Variants in SSH2 observed in about 807,000 individuals in gnomAD.
SSH2 encodes protein phosphatase Slingshot homolog 2.
A neutral mutation model predicts 135.2 loss-of-function variants in SSH2; 37 were observed. That is an observed-to-expected ratio of 0.27 (90% CI 0.21 to 0.36). SSH2 has a LOEUF of 0.36. SSH2 is among the 10% of genes least tolerant of loss of function. SSH2 has a pLI of 1.00. For synonymous variants in SSH2, 628 were observed against 646.2 expected (o/e 0.97, Z 0.43); for missense variants, 1,408 against 1,765.3 (o/e 0.80, Z 3.63).
intron 2 of SSH2, among the ~76,000 whole-genome samples, chr17:29,796,849 C>T (rs1452931399): frequency 1.3e-5 from 2 of 149,750 alleles, no homozygotes; most frequent in Non-Finnish European, 3.0e-5. Flanking sequence ...TGCTCTGTCA[C>T]TTAGGCTGTA....
At chr17:29,918,587 G>A (rs2066921593) in intron 1 of SSH2, among the ~76,000 whole-genome samples, 1 of 152,176 alleles carries the variant, frequency 6.6e-6, no homozygotes. Context: ...TACTGCCTGT[G>A]GTTCCCAGCA....
chr17:29,890,421 G>A (rs2066326912), intron 1 of SSH2, among the ~76,000 whole-genome samples: 1 of 152,188 alleles, frequency 6.6e-6, no homozygotes, highest in African/African-American at 2.4e-5. Flanking sequence ...CATCATTTAG[G>A]TGGATGAAAG....
At chr17:29,665,301 T>C (rs1224990739) in intron 11 of SSH2, among the ~76,000 whole-genome samples, 1 of 152,180 alleles carries the variant, frequency 6.6e-6, no homozygotes, top group East Asian at 1.9e-4. Flanking sequence ...ACTGGTCAGT[T>C]AAAGTAATGG....
At chr17:29,719,557 G>A (rs1352015462) in intron 3 of SSH2, among the ~76,000 whole-genome samples, 1 of 151,604 alleles carries the variant, frequency 6.6e-6, no homozygotes, top group Non-Finnish European at 1.5e-5. Flanking sequence ...AGGGGACTTT[G>A]TAACTATCAT....
intron 3 of SSH2, among the ~76,000 whole-genome samples, chr17:29,772,624 G>C (rs2041612259): frequency 6.6e-6 from 1 of 152,114 alleles, no homozygotes; most frequent in African/African-American, 2.4e-5. Flanking sequence ...TTGGTGGACT[G>C]AGTGGGGAAG....
chr17:29,813,309 G>A (rs1328796515), intron 2 of SSH2, among the ~76,000 whole-genome samples: 1 of 151,908 alleles, frequency 6.6e-6, no homozygotes, highest in African/African-American at 2.4e-5. Context: ...CTTGAGCCCT[G>A]TAGGCGGAGG....
At chr17:29,705,228 A>G (rs2039150231) in intron 3 of SSH2, among the ~76,000 whole-genome samples, 1 of 152,104 alleles carries the variant, frequency 6.6e-6, no homozygotes, top group Admixed American at 6.6e-5. Context: ...CCACTATCAC[A>G]CTGGTCCATG....
intron 3 of SSH2, among the ~76,000 whole-genome samples, chr17:29,725,889 A>G (rs1456748458): frequency 6.6e-6 from 1 of 152,156 alleles, no homozygotes; most frequent in Admixed American, 6.5e-5. Flanking sequence ...ATGTTCTGCA[A>G]ATGTATCCCA....
chr17:29,806,672 C>T (rs1218666056), intron 2 of SSH2, among the ~76,000 whole-genome samples: 8 of 152,210 alleles, frequency 5.3e-5, no homozygotes, highest in Non-Finnish European at 8.8e-5. Flanking sequence ...CAGCAGGGGA[C>T]GTCCAGGTCT....
At chr17:29,778,101 GAGA>G (rs1433435404) in intron 3 of SSH2, among the ~76,000 whole-genome samples, 1 of 151,950 alleles carries the variant, frequency 6.6e-6, no homozygotes, top group East Asian at 1.9e-4. Flanking sequence ...GTTTTTCAAT[GAGA>G]ACTGAATTAT....
At chr17:29,899,807 A>G (rs1423178086) in intron 1 of SSH2, among the ~76,000 whole-genome samples, 2 of 152,220 alleles carry the variant, frequency 1.3e-5, no homozygotes, top group Non-Finnish European at 2.9e-5. Flanking sequence ...GAACCAAAAA[A>G]GAGCCCACAT....
intron 1 of SSH2, among the ~76,000 whole-genome samples, chr17:29,866,990 C>T (rs1436886714): frequency 1.3e-5 from 2 of 151,984 alleles, no homozygotes; most frequent in East Asian, 1.9e-4. Context: ...TGTGCCACCA[C>T]GCCCAGCTAA....
intron 1 of SSH2, among the ~76,000 whole-genome samples, chr17:29,851,667 T>C (rs1333790331): frequency 6.6e-6 from 1 of 151,992 alleles, no homozygotes. Flanking sequence ...GAAACCTGCC[T>C]GGGCAACATA....
intron 1 of SSH2, chr17:29,882,986 A>G (rs2066166900): frequency 6.6e-6 from 1 of 152,110 alleles, no homozygotes; most frequent in African/African-American, 2.4e-5. Flanking sequence ...TAATGGCCAA[A>G]TCATAATCTT....
At chr17:29,909,375 G>A (rs1599178673) in intron 1 of SSH2, among the ~76,000 whole-genome samples, 1 of 151,034 alleles carries the variant, frequency 6.6e-6, no homozygotes, top group African/African-American at 2.4e-5. Context: ...CTATAACCAC[G>A]GTAAGATTAA....
In SSH2 at chr17:29,676,838, A is replaced by G. The variant is rs1402899758; in HGVS notation, c.596T>C (p.Val199Ala). Residue 199 changes from valine (V) to alanine (A), a missense_variant, in exon 8 of 16, where the codon GTA (valine) becomes GCA (alanine). Val to Ala is a moderately conservative substitution (Grantham distance 64, BLOSUM62 0). Transcript: ENST00000540801. Reference protein sequence around the residue: ...TDNRVHIFKPVSVQAMWSALQ... With the variant: ...TDNRVHIFKPASVQAMWSALQ... Reference sequence around the variant, plus strand: ...ATCTTACCACATTGCCTGCACAGATACAGGTTTGAATATGTGAACTCTGTT... The same window carrying G: ...ATCTTACCACATTGCCTGCACAGATGCAGGTTTGAATATGTGAACTCTGTT... The G allele has an allele frequency of 6.2e-7, 1 of 1,613,788 alleles. No homozygotes were observed.
At chr17:29,650,827 T>A in intron 12 of SSH2, 27 bp from the exon 13 acceptor site, 2 of 1,581,014 alleles carry the variant, frequency 1.3e-6, no homozygotes, top group Non-Finnish European at 8.6e-7. Flanking sequence ...GGAGAATATG[T>A]GCTCTACTAC....
intron 1 of SSH2, among the ~76,000 whole-genome samples, chr17:29,911,194 T>C (rs1300587964): frequency 1.3e-5 from 2 of 152,154 alleles, no homozygotes; most frequent in Non-Finnish European, 2.9e-5. Context: ...TGAATAAAAA[T>C]GTAAGTTATA....
At chr17:29,703,140 T>C in intron 3 of SSH2, 78 bp from the exon 4 acceptor site, 1 of 954,274 alleles carries the variant, frequency 1.0e-6, no homozygotes, top group Non-Finnish European at 1.7e-6. Flanking sequence ...CACTTTTGGA[T>C]TCTCTCTTCT....
Sources: allele counts gnomAD v4.1 joint callset (sites outside exome capture counted in the v4.1 genomes callset), GRCh38; gene constraint gnomAD v4.1.1; transcripts MANE v1.5; gene names NCBI Gene and HGNC (gene_info 2026-07-23, HGNC 2026-07-21).